The following ERBB4 variants were observed in gnomAD, a reference collection of about 807,000 sequenced individuals.
The protein encoded by ERBB4 is receptor tyrosine-protein kinase erbB-4.
ERBB4 carries 42 observed loss-of-function variants against 158.0 expected under a neutral mutation model. The observed-to-expected ratio is 0.27, with a 90% confidence interval of 0.21 to 0.34. ERBB4 has a LOEUF of 0.34. Among genes scored for constraint, ERBB4 ranks in the 10% least tolerant of loss-of-function variants. The pLI, the probability that ERBB4 is intolerant of heterozygous loss-of-function variation, is 1.00. For missense variants in ERBB4, 1,333 were observed against 1,624.1 expected, an observed-to-expected ratio of 0.82 and a Z score of 3.08; for synonymous variants, 583 against 558.7, an observed-to-expected ratio of 1.04 and a Z score of -0.61.
At chr2:211,677,865 T>C (rs1390527444) in intron 13 of ERBB4, among the ~76,000 whole-genome samples, 1 of 152,022 alleles carries the variant, frequency 6.6e-6, no homozygotes, top group Non-Finnish European at 1.5e-5. Flanking sequence ...AGAGCCAGAC[T>C]CCGTTTCAAA....
chr2:211,575,732 A>G (rs778573709), intron 19 of ERBB4, among the ~76,000 whole-genome samples: 1 of 152,194 alleles, frequency 6.6e-6, no homozygotes, highest in Non-Finnish European at 1.5e-5. Context: ...TTTATACTTA[A>G]TAAACTATAT....
chr2:211,919,297 T>A (rs2079794754), intron 3 of ERBB4, among the ~76,000 whole-genome samples: 1 of 152,062 alleles, frequency 6.6e-6, no homozygotes, highest in Non-Finnish European at 1.5e-5. Context: ...AGAAAGTGGA[T>A]AAAGTGTTCT....
intron 20 of ERBB4, among the ~76,000 whole-genome samples, chr2:211,452,247 G>A (rs1270727354): frequency 2.6e-5 from 4 of 152,010 alleles, no homozygotes; most frequent in African/African-American, 7.2e-5. Context: ...GCGCGATCTC[G>A]GCTCACTGCA....
chr2:211,905,688 ATATATGTGTGTGTATGTGTGTG>A (rs2079367272), intron 3 of ERBB4, among the ~76,000 whole-genome samples: 1 of 107,776 alleles, frequency 9.3e-6, no homozygotes, highest in African/African-American at 3.9e-5. Flanking sequence ...ATATACACAC[ATATATGTGTGTGTATGTGTGTG>A]TATATATGTG....
chr2:212,485,976 A>G (rs891544207), intron 1 of ERBB4, among the ~76,000 whole-genome samples: 1 of 152,012 alleles, frequency 6.6e-6, no homozygotes, highest in Non-Finnish European at 1.5e-5. Context: ...TTTTCAACAT[A>G]TATATTGGGG....
chr2:211,777,821 G>C (rs917307768), intron 4 of ERBB4: 1 of 151,922 alleles, frequency 6.6e-6, no homozygotes, highest in Non-Finnish European at 1.5e-5. Context: ...CTCTTCTACC[G>C]TCCTCTTACC....
Position 211,522,754 on chromosome 2 carries a change from CTCT to C in ERBB4, c.2487+39146_2487+39148del, listed in dbSNP as rs1430461202. On this transcript the variant is annotated intron_variant, in intron 20 of 27. Coordinates refer to ENST00000342788, the MANE Select transcript of ERBB4 (RefSeq NM_005235.3). ...CTCACTAAAGGCTTAGACGATCATT[CTCT>C]TTTTTTAGCAATAAAGTATTTTTTA... Among the ~76,000 whole-genome samples, 20 of 152,128 alleles carry C rather than the reference CTCT, an allele frequency of 1.3e-4. 1 individual carries two copies. The highest frequency in any genetic ancestry group is 3.4e-4 in the African/African-American group (14 of 41,434).
chr2:211,998,529 CAAAA>C (rs36008694), intron 2 of ERBB4, among the ~76,000 whole-genome samples: 4 of 116,304 alleles, frequency 3.4e-5, no homozygotes, highest in Non-Finnish European at 5.4e-5. Context: ...CTCATACTGC[CAAAA>C]AAAAAAAAAA....
intron 20 of ERBB4, among the ~76,000 whole-genome samples, chr2:211,450,242 G>A (rs574863980): frequency 6.6e-5 from 10 of 152,128 alleles, no homozygotes; most frequent in Non-Finnish European, 1.3e-4. Context: ...TGTGGGGTAA[G>A]GCTGGAGGAG....
intron 20 of ERBB4, among the ~76,000 whole-genome samples, chr2:211,492,164 C>T (rs1310391317): frequency 1.3e-5 from 2 of 151,942 alleles, no homozygotes; most frequent in African/African-American, 4.8e-5. Context: ...GGCTAGACTG[C>T]CTTGGGAGCC....
chr2:212,116,636 A>G (rs2079580029), intron 2 of ERBB4, among the ~76,000 whole-genome samples: 1 of 152,134 alleles, frequency 6.6e-6, no homozygotes, highest in Non-Finnish European at 1.5e-5. Context: ...TTGTAGAGAC[A>G]GGGTCTCACT....
chr2:211,938,033 T>C (rs1418015338), intron 3 of ERBB4, among the ~76,000 whole-genome samples: 1 of 152,112 alleles, frequency 6.6e-6, no homozygotes, highest in Non-Finnish European at 1.5e-5. Flanking sequence ...GACTCAAATA[T>C]AAAATATGGT....
intron 4 of ERBB4, among the ~76,000 whole-genome samples, chr2:211,757,047 G>T (rs753711302): frequency 2.0e-5 from 3 of 152,136 alleles, no homozygotes; most frequent in Non-Finnish European, 4.4e-5. Context: ...TATGATTTGA[G>T]CAAATGCTAC....
intron 1 of ERBB4, among the ~76,000 whole-genome samples, chr2:212,147,535 T>C (rs1338759366): frequency 1.3e-5 from 2 of 151,954 alleles, no homozygotes; most frequent in African/African-American, 2.4e-5. Context: ...GCACACAGGA[T>C]AAAACTCAGA....
chr2:212,053,858 A>C (rs2077474677), intron 2 of ERBB4, among the ~76,000 whole-genome samples: 1 of 152,200 alleles, frequency 6.6e-6, no homozygotes, highest in Non-Finnish European at 1.5e-5. Context: ...ATGCCAACTT[A>C]GGCCTACATC....
chr2:211,571,038 C>CCTCTTTTTTTTTTTTT lies in ERBB4; in HGVS notation c.2302-8951_2302-8950insAAAAAAAAAAAAAGAG, dbSNP rs1437512949. Among the ~76,000 whole-genome samples, 198 of 58,720 alleles carry CCTCTTTTTTTTTTTTT rather than the reference C, an allele frequency of 3.4e-3. 7 individuals carry two copies. Among genetic ancestry groups the CCTCTTTTTTTTTTTTT allele is most frequent in the African/African-American group, 0.015 (192 of 13,156 alleles). The allele number at this position is 58,720 out of a possible 152,430, so 38.5% of individuals were successfully genotyped here. A position where few individuals can be genotyped will look rare whatever the true frequency, so the allele number is the denominator to read the frequency against. On this transcript the variant is annotated intron_variant, in intron 19 of 27. Coordinates refer to ENST00000342788, the MANE Select transcript of ERBB4 (RefSeq NM_005235.3). ...GATTTTTCACTCTCTGAGTACTCTT[C>CCTCTTTTTTTTTTTTT]TTCTTTTTTTTTTTTTTTTTTTTGA...
chr2:212,415,589 T>C (rs2091627900), intron 1 of ERBB4, among the ~76,000 whole-genome samples: 2 of 152,094 alleles, frequency 1.3e-5, no homozygotes, highest in Admixed American at 6.6e-5. Flanking sequence ...ACAAGAGACT[T>C]TTCCAAATTA....
At chr2:211,636,391 T>C (rs1406978846) in intron 16 of ERBB4, among the ~76,000 whole-genome samples, 1 of 152,010 alleles carries the variant, frequency 6.6e-6, no homozygotes, top group African/African-American at 2.4e-5. Context: ...AGCTTAAATA[T>C]ACACAAATAC....
intron 20 of ERBB4, among the ~76,000 whole-genome samples, chr2:211,514,540 T>C (rs988545794): frequency 6.6e-6 from 1 of 152,180 alleles, no homozygotes; most frequent in Non-Finnish European, 1.5e-5. Flanking sequence ...ACTTGGAGGC[T>C]CCGTAAGGAC....
Sources: allele counts gnomAD v4.1 joint callset (sites outside exome capture counted in the v4.1 genomes callset), GRCh38; gene constraint gnomAD v4.1.1; transcripts MANE v1.5; gene names NCBI Gene and HGNC (gene_info 2026-07-23, HGNC 2026-07-21).